The following CDYL2 variants were observed in gnomAD, a reference collection of about 807,000 sequenced individuals.
The protein encoded by CDYL2 is chromodomain Y like 2, also known as chromodomain Y-like protein 2.
Under a neutral mutation model 49.4 loss-of-function variants are expected in CDYL2, and 23 were observed. The ratio of observed to expected loss-of-function variants is 0.47; its 90% CI spans 0.34 to 0.66. The LOEUF is 0.66. Among genes scored for constraint, CDYL2 ranks in the 30% least tolerant of loss-of-function variants. The pLI is 0.01. For missense variants in CDYL2, 678 were observed against 656.4 expected (o/e 1.03, Z -0.36); for synonymous variants, 360 against 268.8 (o/e 1.34, Z -3.32).
Position 80,604,322 on chromosome 16 carries a change from C to T in CDYL2, c.*66G>A. 1 of 1,571,334 alleles carries T rather than the reference C, an allele frequency of 6.4e-7. No individual in the cohort carries two copies. Among genetic ancestry groups the T allele is most frequent in the Non-Finnish European group, 8.7e-7 (1 of 1,145,162 alleles). On this transcript the variant is annotated 3_prime_UTR_variant, in exon 7 of 7. Coordinates refer to ENST00000570137, the MANE Select transcript of CDYL2 (RefSeq NM_152342.4). Reference sequence around the variant, plus strand: ...TGACAAACTCCTTGGCCGGGGCAGACACTGTGCTCTGGTTTCCGAAACACA... The same window carrying T: ...TGACAAACTCCTTGGCCGGGGCAGATACTGTGCTCTGGTTTCCGAAACACA...
chr16:80,688,789 C>G (rs1910299984), intron 1 of CDYL2, among the ~76,000 whole-genome samples: 1 of 152,132 alleles, frequency 6.6e-6, no homozygotes, highest in Admixed American at 6.5e-5. Flanking sequence ...TAGAAAAAGC[C>G]CAAGTCGTTT....
intron 3 of CDYL2, among the ~76,000 whole-genome samples, chr16:80,630,306 A>T (rs1235987744): frequency 2.0e-5 from 3 of 152,194 alleles, no homozygotes; most frequent in Non-Finnish European, 4.4e-5. Flanking sequence ...TGTGCACCTT[A>T]AATCAGACGA....
chr16:80,726,871 G>C (rs904288990), intron 1 of CDYL2, among the ~76,000 whole-genome samples: 1 of 152,174 alleles, frequency 6.6e-6, no homozygotes, highest in Non-Finnish European at 1.5e-5. Flanking sequence ...AGGATCACTT[G>C]AGCCCAGGAG....
intron 4 of CDYL2, among the ~76,000 whole-genome samples, chr16:80,620,104 C>T (rs907221644): frequency 5.3e-5 from 8 of 152,234 alleles, no homozygotes; most frequent in African/African-American, 1.9e-4. Context: ...TGTAAACCAG[C>T]TAAACAGCCG....
At chr16:80,768,032 TA>T (rs1267076554) in intron 1 of CDYL2, among the ~76,000 whole-genome samples, 2 of 152,194 alleles carry the variant, frequency 1.3e-5, no homozygotes, top group Non-Finnish European at 2.9e-5. Context: ...AGACCATTTC[TA>T]CTCCTCCCAG....
intron 2 of CDYL2, among the ~76,000 whole-genome samples, chr16:80,642,028 A>G (rs1005722043): frequency 7.9e-5 from 12 of 152,232 alleles, no homozygotes; most frequent in Admixed American, 6.5e-5. Context: ...CTTATTAAAT[A>G]GAAAGGATAA....
At chr16:80,657,628 A>G (rs1275194088) in intron 2 of CDYL2, among the ~76,000 whole-genome samples, 1 of 152,134 alleles carries the variant, frequency 6.6e-6, no homozygotes, top group East Asian at 1.9e-4. Context: ...TGCTTGGCAA[A>G]AATTCAAGAC....
intron 1 of CDYL2, among the ~76,000 whole-genome samples, chr16:80,743,120 T>C (rs1054159722): frequency 6.6e-6 from 1 of 152,154 alleles, no homozygotes; most frequent in Non-Finnish European, 1.5e-5. Context: ...TTTGGTAGCA[T>C]GTCGTCATTT....
At chr16:80,649,194 C>A (rs1269275560) in intron 2 of CDYL2, among the ~76,000 whole-genome samples, 1 of 152,014 alleles carries the variant, frequency 6.6e-6, no homozygotes, top group African/African-American at 2.4e-5. Flanking sequence ...AGAAAGAAAG[C>A]AAATTATTCT....
intron 1 of CDYL2, among the ~76,000 whole-genome samples, chr16:80,725,114 G>C (rs1905122197): frequency 6.6e-6 from 1 of 152,010 alleles, no homozygotes; most frequent in Admixed American, 6.6e-5. Context: ...ACAGAGCCTT[G>C]GTGGGCATTG....
intron 1 of CDYL2, among the ~76,000 whole-genome samples, chr16:80,782,215 G>A (rs1907292277): frequency 6.6e-6 from 1 of 151,834 alleles, no homozygotes; most frequent in African/African-American, 2.4e-5. Context: ...ATTTTAAAAT[G>A]CTATAAATAA....
intron 2 of CDYL2, among the ~76,000 whole-genome samples, chr16:80,663,888 C>A (rs865988482): frequency 6.6e-6 from 1 of 152,140 alleles, no homozygotes; most frequent in Non-Finnish European, 1.5e-5. Context: ...CACTATGCCC[C>A]GCCTAAATGT....
intron 1 of CDYL2, among the ~76,000 whole-genome samples, chr16:80,709,373 C>T (rs1904513475): frequency 7.3e-6 from 1 of 136,888 alleles, no homozygotes; most frequent in Non-Finnish European, 1.5e-5. Flanking sequence ...CATAGCGAGA[C>T]TCCATTTCAA....
At chr16:80,727,782 T>A (rs1268154236) in intron 1 of CDYL2, among the ~76,000 whole-genome samples, 1 of 152,078 alleles carries the variant, frequency 6.6e-6, no homozygotes, top group East Asian at 1.9e-4. Context: ...CTCAAGTGGG[T>A]CCCTGACCCC....
intron 1 of CDYL2, among the ~76,000 whole-genome samples, chr16:80,781,368 C>G (rs1295453040): frequency 2.0e-5 from 3 of 152,118 alleles, no homozygotes; most frequent in African/African-American, 7.2e-5. Flanking sequence ...CATCTAACAA[C>G]AGAGCCCCCA....
chr16:80,646,057 G>A (rs1908329991), intron 2 of CDYL2, among the ~76,000 whole-genome samples: 1 of 150,746 alleles, frequency 6.6e-6, no homozygotes, highest in African/African-American at 2.4e-5. Context: ...TGAGTTAATG[G>A]GTGCAGCACA....
intron 1 of CDYL2, among the ~76,000 whole-genome samples, chr16:80,768,946 A>G (rs1906816905): frequency 6.6e-6 from 1 of 152,244 alleles, no homozygotes; most frequent in South Asian, 2.1e-4. Context: ...GTATTATATT[A>G]TGTACAACAC....
At chr16:80,658,628 G>A (rs1389024271) in intron 2 of CDYL2, among the ~76,000 whole-genome samples, 2 of 152,158 alleles carry the variant, frequency 1.3e-5, no homozygotes, top group Non-Finnish European at 2.9e-5. Context: ...ATCCAGTGAG[G>A]TTAAAATGGA....
intron 2 of CDYL2, among the ~76,000 whole-genome samples, chr16:80,660,567 G>C (rs920039948): frequency 1.3e-5 from 2 of 151,856 alleles, no homozygotes; most frequent in African/African-American, 4.8e-5. Flanking sequence ...AGAGGGAACA[G>C]AGAACAAGAA....
Sources: gnomAD v4.1 joint callset for allele counts (sites outside exome capture counted in the v4.1 genomes callset) on GRCh38, gnomAD v4.1.1 for gene constraint, MANE v1.5 for transcripts, NCBI Gene and HGNC (gene_info 2026-07-23, HGNC 2026-07-21) for gene names.